The following RAB4B variants were observed in gnomAD, a reference collection of about 807,000 sequenced individuals.
RAB4B encodes the protein ras-related protein Rab-4B.
In RAB4B, 15 loss-of-function variants were observed where a neutral mutation model predicts 28.3. The observed-to-expected ratio is 0.53, with a 90% CI of 0.35 to 0.82. The LOEUF is 0.82. Among genes scored for constraint, RAB4B ranks in the 40% least tolerant of loss-of-function variants. The probability of loss-of-function intolerance (pLI) is 0.01; values close to 1 mark genes in which losing one functional copy is unlikely to be tolerated. For missense variants in RAB4B, 244 were observed against 288.5 expected (o/e 0.85, Z 1.12); for synonymous variants, 108 against 116.3 (o/e 0.93, Z 0.46).
rs545691577 is a variant in RAB4B, at chr19:40,778,525, A to T, written c.16+134A>T. On this transcript the variant is annotated intron_variant, in intron 1 of 7. Transcript: ENST00000357052. ...AGGCAGGACCTAAGTGGATGCTGGG[A>T]GGGGTTTAGTGGGTCTGAGGCTGAG... 378 of 935,474 alleles carry T rather than the reference A, an allele frequency of 4.0e-4. 3 individuals carry two copies. In the African/African-American group the frequency reaches 5.8e-3, roughly 14 times the overall value. 57.9% of individuals were successfully genotyped at this position (935,474 alleles called of 1,614,324 possible).
chr19:40,787,699 A>G (rs1367831882), intron 7 of RAB4B, among the ~76,000 whole-genome samples: 7 of 150,008 alleles, frequency 4.7e-5, no homozygotes, highest in African/African-American at 1.7e-4. Context: ...GTCAGGTGGG[A>G]TGAGGGGACA....
chr19:40,786,524 G>A, intron 5 of RAB4B, 141 bp from the exon 6 acceptor site: 2 of 1,287,334 alleles, frequency 1.6e-6, no homozygotes, highest in Admixed American at 4.6e-5. Flanking sequence ...TTAGTGGCAG[G>A]GAAATGGCAT....
intron 7 of RAB4B, among the ~76,000 whole-genome samples, chr19:40,788,859 G>C (rs1209218018): frequency 7.6e-6 from 1 of 132,180 alleles, no homozygotes; most frequent in Non-Finnish European, 1.5e-5. Context: ...GCACGATCTT[G>C]GTTCACTGCA....
chr19:40,794,296 C>T (rs983356678), intron 7 of RAB4B, among the ~76,000 whole-genome samples: 3 of 151,898 alleles, frequency 2.0e-5, no homozygotes, highest in African/African-American at 7.3e-5. Flanking sequence ...AGGCTGGTCT[C>T]AAACTCCTGA....
At chr19:40,788,673 G>A (rs1428548419) in intron 7 of RAB4B, among the ~76,000 whole-genome samples, 2 of 150,120 alleles carry the variant, frequency 1.3e-5, no homozygotes, top group East Asian at 1.9e-4. Context: ...TGAAACCTCC[G>A]CCTCCTGGGT....
At chr19:40,791,891 C>T (rs1018551535) in intron 7 of RAB4B, among the ~76,000 whole-genome samples, 2 of 152,204 alleles carry the variant, frequency 1.3e-5, no homozygotes, top group Non-Finnish European at 2.9e-5. Flanking sequence ...ACCTCAGCAT[C>T]CAAAGTGCTG....
chr19:40,781,288 G>A (rs1568491245), intron 3 of RAB4B, among the ~76,000 whole-genome samples: 1 of 147,542 alleles, frequency 6.8e-6, no homozygotes, highest in Non-Finnish European at 1.5e-5. Flanking sequence ...CTCTGTCTCT[G>A]AATAAATAAA....
rs2083014614 is a variant in RAB4B at position 40,778,347 on chromosome 19, T to C, written c.-29T>C. Reference sequence around the variant, plus strand: ...GAGCAGGCGCGGCCGCGGCGCCATATTGCGGCCCTCAGCGGCCGCGACCGA... The same window carrying C: ...GAGCAGGCGCGGCCGCGGCGCCATACTGCGGCCCTCAGCGGCCGCGACCGA... On this transcript the variant is annotated 5_prime_UTR_variant, in exon 1 of 8. Transcript: ENST00000357052. 2.0e-6 allele frequency: 3 copies of C among 1,490,264 alleles called. No individual in the cohort carries two copies. The highest frequency in any genetic ancestry group is 2.7e-6 in the Non-Finnish European group (3 of 1,128,416). The allele number at this position is 1,490,264 out of a possible 1,614,324, so 92.3% of individuals were successfully genotyped here. A position where few individuals can be genotyped will look rare whatever the true frequency, so the allele number is the denominator to read the frequency against.
chr19:40,779,894 G>A, intron 1 of RAB4B, 125 bp from the exon 2 acceptor site: 2 of 1,570,106 alleles, frequency 1.3e-6, no homozygotes, highest in Non-Finnish European at 1.7e-6. Context: ...GTTTGTTTCT[G>A]CCTATGTCTG....
intron 5 of RAB4B, 55 bp downstream of exon 5, chr19:40,784,130 C>G: frequency 2.0e-6 from 3 of 1,525,100 alleles, no homozygotes; most frequent in Non-Finnish European, 2.7e-6. Flanking sequence ...CCACAGGGAC[C>G]ATGGGTTTAC....
Position 40,783,659 on chromosome 19 carries a change from G to A in RAB4B, c.213-119G>A, listed in dbSNP as rs987448723. On this transcript the variant is annotated intron_variant, in intron 3 of 7. Transcript: ENST00000357052. ...GGTGACCCGACCAAGGCCAGGTTTT[G>A]GGGGATGGGCCAGCAGTGAAGGGGG... 12 of 950,182 alleles carry A rather than the reference G, an allele frequency of 1.3e-5. No individual in the cohort carries two copies. The African/African-American group carries it at 1.8e-4, about 15-fold the overall frequency. 58.9% of individuals were successfully genotyped at this position (950,182 alleles called of 1,614,324 possible).
At chr19:40,784,974 C>T in intron 5 of RAB4B, among the ~76,000 whole-genome samples, 1 of 151,848 alleles carries the variant, frequency 6.6e-6, no homozygotes, top group East Asian at 1.9e-4. Flanking sequence ...GCCACAACGC[C>T]TGGCTAATTT....
At chr19:40,789,779 G>A (rs995289571) in intron 7 of RAB4B, among the ~76,000 whole-genome samples, 6 of 152,116 alleles carry the variant, frequency 3.9e-5, no homozygotes, top group African/African-American at 1.4e-4. Context: ...GATTACAGGC[G>A]TCAGCCACCG....
rs756247813 is a variant in RAB4B at position 40,780,362 on chromosome 19, C to G, written c.98-23C>G. Reference sequence around the variant, plus strand: ...CTGTCTCCTCTCTCCCTGTACTGCCCCTTCTGTTCCTCCTACTCCCAGTCA... The same window carrying G: ...CTGTCTCCTCTCTCCCTGTACTGCCGCTTCTGTTCCTCCTACTCCCAGTCA... On this transcript the variant is annotated intron_variant, in intron 2 of 7. Transcript: ENST00000357052. 1.5e-5 allele frequency: 24 copies of G among 1,579,260 alleles called. No homozygotes were observed. In the Admixed American group the frequency reaches 4.4e-4, roughly 29 times the overall value.
At chr19:40,787,289 CTTT>C (rs2083109568) in intron 7 of RAB4B, among the ~76,000 whole-genome samples, 2 of 151,834 alleles carry the variant, frequency 1.3e-5, no homozygotes, top group Non-Finnish European at 2.9e-5. Context: ...AATCCCTGTA[CTTT>C]GGAAGGCCGA....
chr19:40,787,618 G>GT (rs377128244), intron 7 of RAB4B, among the ~76,000 whole-genome samples: 66 of 75,260 alleles, frequency 8.8e-4, no homozygotes, highest in African/African-American at 1.9e-3. Context: ...GAGAGGCCCA[G>GT]GGGGGTCAGG....
intron 7 of RAB4B, chr19:40,794,903 G>A (rs1233585478): frequency 6.6e-6 from 1 of 151,230 alleles, no homozygotes; most frequent in African/African-American, 2.4e-5. Flanking sequence ...CCAGCACTTT[G>A]GGGGGCTGAG....
chr19:40,789,501 CTTTTT>C (rs60806942), intron 7 of RAB4B, among the ~76,000 whole-genome samples: 7 of 116,572 alleles, frequency 6.0e-5, no homozygotes, highest in Non-Finnish European at 1.0e-4. Flanking sequence ...CACGCCCAGC[CTTTTT>C]TTTTTTTTTT....
At position 40,794,997 on chromosome 19, in the gene RAB4B, C is replaced by CAAA. The variant is rs59417778; in HGVS notation, c.*16-1553_*16-1551dup. On this transcript the variant is annotated intron_variant, in intron 7 of 7. Coordinates refer to ENST00000357052, the MANE Select transcript of RAB4B (RefSeq NM_016154.5). ...TGAAACCCCGTCTCTACTAAAAATA[C>CAAA]AAAAAAAAAAAAAAAAAAAAAATTA... Among the ~76,000 whole-genome samples, 365 of 99,882 alleles carry CAAA rather than the reference C, an allele frequency of 3.7e-3. 7 individuals are homozygous for CAAA. Among genetic ancestry groups the CAAA allele is most frequent in the African/African-American group, 0.011 (238 of 22,520 alleles). 65.5% of individuals were successfully genotyped at this position (99,882 alleles called of 152,430 possible). A position where few individuals can be genotyped will look rare whatever the true frequency, so the allele number is the denominator to read the frequency against.
Sources: gnomAD v4.1 joint callset for allele counts (sites outside exome capture counted in the v4.1 genomes callset) on GRCh38, gnomAD v4.1.1 for gene constraint, MANE v1.5 for transcripts, NCBI Gene and HGNC (gene_info 2026-07-23, HGNC 2026-07-21) for gene names.